Variants in CNIH3 observed in about 807,000 individuals in gnomAD.
The protein encoded by CNIH3 is protein cornichon homolog 3.
CNIH3 carries 14 observed loss-of-function variants against 24.1 expected under a neutral mutation model. That is an observed-to-expected ratio of 0.58 (90% CI 0.38 to 0.91). The LOEUF is 0.91. CNIH3 is among the 40% of genes least tolerant of loss of function. CNIH3 has a pLI of 0.00. For synonymous variants in CNIH3, 68 were observed against 73.8 expected, an observed-to-expected ratio of 0.92 and a Z score of 0.40; for missense variants, 178 against 196.8, an observed-to-expected ratio of 0.90 and a Z score of 0.57.
At chr1:224,453,209 C>T (rs917041335) in intron 1 of CNIH3, among the ~76,000 whole-genome samples, 2 of 151,896 alleles carry the variant, frequency 1.3e-5, no homozygotes, top group Non-Finnish European at 2.9e-5. Flanking sequence ...CTGTCTCTGT[C>T]ATCCAGGCTG....
At chr1:224,439,066 G>A (rs1674783289) in intron 1 of CNIH3, among the ~76,000 whole-genome samples, 1 of 152,046 alleles carries the variant, frequency 6.6e-6, no homozygotes, top group Non-Finnish European at 1.5e-5. Flanking sequence ...TGTAGCTCTG[G>A]GCAGACGACT....
At chr1:224,614,737 A>G (rs766319580), upstream of CNIH3, among the ~76,000 whole-genome samples, 3 of 152,016 alleles carry the variant, frequency 2.0e-5, no homozygotes, top group South Asian at 4.2e-4. Context: ...TCACGAGGTC[A>G]AGAGATCGAG....
exon 6 of CNIH3, chr1:224,588,417 G>A (rs769779348): frequency 9.2e-5 from 14 of 152,186 alleles, no homozygotes; most frequent in Non-Finnish European, 1.6e-4. Context: ...AGTGGGCTCA[G>A]CTCATGGAGC....
intron 5 of CNIH3, 116 bp downstream of exon 5, chr1:224,734,822 C>T: frequency 9.4e-7 from 1 of 1,059,654 alleles, no homozygotes; most frequent in Non-Finnish European, 1.4e-6. Flanking sequence ...GAGTCATGGC[C>T]ATTCAGGTGT....
At chr1:224,625,818 A>G (rs1683498163) in intron 1 of CNIH3, among the ~76,000 whole-genome samples, 1 of 152,224 alleles carries the variant, frequency 6.6e-6, no homozygotes, top group Non-Finnish European at 1.5e-5. Context: ...ACCCATGTCT[A>G]TGCCCAAAAG....
intron 2 of CNIH3, among the ~76,000 whole-genome samples, chr1:224,531,848 C>T (rs755718715): frequency 6.6e-5 from 10 of 152,188 alleles, no homozygotes; most frequent in African/African-American, 1.4e-4. Context: ...ATAAAACAAA[C>T]GAAGTGGAGG....
chr1:224,628,973 C>T (rs989707420), intron 1 of CNIH3, among the ~76,000 whole-genome samples: 4 of 151,386 alleles, frequency 2.6e-5, no homozygotes, highest in African/African-American at 4.9e-5. Context: ...TGAGTTGTCC[C>T]GCCTTTCTGG....
At chr1:224,527,938 T>C (rs1379209379) in intron 2 of CNIH3, among the ~76,000 whole-genome samples, 1 of 152,202 alleles carries the variant, frequency 6.6e-6, no homozygotes, top group East Asian at 1.9e-4. Context: ...TGGATCCGTA[T>C]CTGTATATGT....
At chr1:224,619,014 G>A (rs1683161200) in intron 1 of CNIH3, among the ~76,000 whole-genome samples, 1 of 152,200 alleles carries the variant, frequency 6.6e-6, no homozygotes, top group South Asian at 2.1e-4. Context: ...TGGATATGGG[G>A]AGTTACTTGG....
chr1:224,737,553 G>C (rs540335235), intron 5 of CNIH3, among the ~76,000 whole-genome samples: 1 of 152,186 alleles, frequency 6.6e-6, no homozygotes, highest in African/African-American at 2.4e-5. Flanking sequence ...TCCGGAGCTG[G>C]TGGAGAGCAC....
chr1:224,609,575 T>G (rs1427369806), intron 3 of CNIH3, among the ~76,000 whole-genome samples: 1 of 152,192 alleles, frequency 6.6e-6, no homozygotes, highest in Non-Finnish European at 1.5e-5. Flanking sequence ...AGAGAGTAAC[T>G]TGATATATCA....
chr1:224,501,104 T>A (rs1677646825), intron 1 of CNIH3, among the ~76,000 whole-genome samples: 1 of 152,168 alleles, frequency 6.6e-6, no homozygotes, highest in South Asian at 2.1e-4. Flanking sequence ...TTTTTTTTCA[T>A]CTCTCTACTC....
intron 4 of CNIH3, among the ~76,000 whole-genome samples, chr1:224,577,441 C>T (rs1255211702): frequency 6.6e-6 from 1 of 151,840 alleles, no homozygotes; most frequent in Non-Finnish European, 1.5e-5. Flanking sequence ...TATACTAATG[C>T]CCAACACGAA....
At chr1:224,547,871 A>G (rs1679763615) in intron 3 of CNIH3, among the ~76,000 whole-genome samples, 1 of 151,934 alleles carries the variant, frequency 6.6e-6, no homozygotes, top group South Asian at 2.1e-4. Context: ...AAGTGGGAGT[A>G]TACCCTGTGT....
chr1:224,615,317 T>A (rs989084235), upstream of CNIH3: 1 of 152,174 alleles, frequency 6.6e-6, no homozygotes, highest in Non-Finnish European at 1.5e-5. Flanking sequence ...TTTCTGGATT[T>A]GATGACTTGT....
At chr1:224,616,216 G>T, upstream of CNIH3, 1 of 156,746 alleles carries the variant, frequency 6.4e-6, no homozygotes, top group South Asian at 1.6e-4. Context: ...AGCCCCCGGC[G>T]CTGCAGTCTC....
chr1:224,611,261 C>T (rs997580976), intron 3 of CNIH3: 5 of 152,162 alleles, frequency 3.3e-5, no homozygotes, highest in African/African-American at 4.8e-5. Context: ...GGACATTAAT[C>T]GTGTCTTGGA....
chr1:224,523,920 C>G (rs541136510), intron 2 of CNIH3, among the ~76,000 whole-genome samples: 11 of 152,260 alleles, frequency 7.2e-5, no homozygotes, highest in African/African-American at 2.6e-4. Context: ...GGATGGAGCC[C>G]TGAGGCTGCT....
chr1:224,672,628 G>A (rs1360280052), intron 1 of CNIH3, among the ~76,000 whole-genome samples: 2 of 152,138 alleles, frequency 1.3e-5, no homozygotes, highest in East Asian at 3.9e-4. Flanking sequence ...TCTTCACATG[G>A]CCTTCACTGT....
Sources: allele counts gnomAD v4.1 joint callset (sites outside exome capture counted in the v4.1 genomes callset), GRCh38; gene constraint gnomAD v4.1.1; transcripts MANE v1.5; gene names NCBI Gene and HGNC (gene_info 2026-07-23, HGNC 2026-07-21).